The following MGA variants were observed in gnomAD, a reference collection of about 807,000 sequenced individuals.
The protein encoded by MGA is MAX dimerization protein MGA.
In MGA, 40 loss-of-function variants were observed where a neutral mutation model predicts 261.1. That is an observed-to-expected ratio of 0.15 (90% confidence interval 0.12 to 0.20). The LOEUF is 0.20. Among genes scored for constraint, MGA ranks in the 10% least tolerant of loss-of-function variants. The pLI, the probability that MGA is intolerant of heterozygous loss-of-function variation, is 1.00. For synonymous variants in MGA, 1,302 were observed against 1,290.6 expected, an observed-to-expected ratio of 1.01 and a Z score of -0.19; for missense variants, 3,397 against 3,630.5, an observed-to-expected ratio of 0.94 and a Z score of 1.65.
At chr15:41,681,148 G>A (rs1267664320) in intron 2 of MGA, among the ~76,000 whole-genome samples, 1 of 152,102 alleles carries the variant, frequency 6.6e-6, no homozygotes, top group Non-Finnish European at 1.5e-5. Context: ...AATGTAAAAA[G>A]ATTAAATAAA....
At chr15:41,643,820 A>G (rs1471382957) in intron 1 of MGA, among the ~76,000 whole-genome samples, 1 of 147,204 alleles carries the variant, frequency 6.8e-6, no homozygotes, top group Non-Finnish European at 1.5e-5. Flanking sequence ...CGCCCGCCTC[A>G]GCCTCCCAAA....
At chr15:41,759,949 C>T (rs1202728247) in intron 19 of MGA, among the ~76,000 whole-genome samples, 1 of 151,856 alleles carries the variant, frequency 6.6e-6, no homozygotes. Flanking sequence ...GAGGATCTTA[C>T]AGTATTTTTT....
intron 1 of MGA, among the ~76,000 whole-genome samples, chr15:41,627,489 A>G (rs1032729080): frequency 3.3e-5 from 5 of 152,220 alleles, no homozygotes; most frequent in African/African-American, 1.2e-4. Context: ...CTGGGGTTAG[A>G]GTACTTAGTA....
rs748646249 is a variant in MGA at position 41,736,223 on chromosome 15, C to G, written c.3959C>G (p.Ser1320Cys). Residue 1320 changes from serine to cysteine, a missense_variant, in exon 13 of 24, where the codon TCT becomes TGT. By Grantham distance (112) the Ser-to-Cys change is moderately radical. Around this residue, in one of 9 missense-constraint regions of MGA, gnomAD observed 1,410 missense variants for 1,386.4 expected, o/e 1.02. Transcript: ENST00000219905. ...TCCTGCAATGAAGGAGAATCCTCTT[C>G]TACTTCTTATATGCATCAGAGGTCA... is the stretch of plus-strand genomic sequence containing the variant. 6.2e-7 allele frequency: 1 copy of G among 1,608,150 alleles called. No homozygotes were observed. The highest frequency in any genetic ancestry group is 8.5e-7 in the Non-Finnish European group (1 of 1,177,046).
At position 41,669,907 on chromosome 15, in the gene MGA, C is replaced by T; in HGVS notation, c.1013C>T (p.Thr338Ile). Residue 338 changes from threonine (T) to isoleucine (I), a missense_variant, in exon 2 of 24, where the codon ACT becomes ATT. Thr to Ile is a moderately conservative substitution (Grantham distance 89). This residue lies in a region of MGA where 563 missense variants were observed against 563.6 expected (regional missense o/e 1.00). Transcript: ENST00000219905. Reference sequence around the variant, plus strand: ...CGAGACTTTCTTGGTTTCATGGATACTGATTCAGCACTTAGTGAAGTTCCT... The same window carrying T: ...CGAGACTTTCTTGGTTTCATGGATATTGATTCAGCACTTAGTGAAGTTCCT... 1 of 1,613,946 alleles carries T rather than the reference C, an allele frequency of 6.2e-7. No homozygotes were observed. The highest frequency in any genetic ancestry group is 1.1e-5 in the South Asian group (1 of 91,082).
intron 18 of MGA, among the ~76,000 whole-genome samples, chr15:41,756,014 C>G (rs2063130261): frequency 6.7e-6 from 1 of 149,082 alleles, no homozygotes; most frequent in African/African-American, 2.5e-5. Context: ...GAGACTCCAT[C>G]TCAAAAAAAA....
At chr15:41,639,049 A>G (rs953437889) in intron 1 of MGA, among the ~76,000 whole-genome samples, 1 of 151,992 alleles carries the variant, frequency 6.6e-6, no homozygotes, top group Admixed American at 6.6e-5. Context: ...CCCAGGCTGG[A>G]CTTGAACTCC....
At chr15:41,708,677 A>G (rs1425100045) in intron 7 of MGA, among the ~76,000 whole-genome samples, 2 of 151,902 alleles carry the variant, frequency 1.3e-5, no homozygotes, top group African/African-American at 4.8e-5. Flanking sequence ...TCTGCTACCC[A>G]TTTTCCTGTA....
At chr15:41,624,072 A>AT (rs946340051) in intron 1 of MGA, among the ~76,000 whole-genome samples, 2,006 of 132,600 alleles carry the variant, frequency 0.015, 18 homozygotes, top group Middle Eastern at 0.06. Flanking sequence ...AGCAAATTAA[A>AT]TTTTTTTTTT....
intron 15 of MGA, among the ~76,000 whole-genome samples, chr15:41,745,453 T>TTTTTTAAAGAAGAAAGC (rs1229350190): frequency 1.3e-5 from 2 of 151,612 alleles, no homozygotes; most frequent in African/African-American, 2.4e-5. Flanking sequence ...TGCTGTCTTT[T>TTTTTTAAAGAAGAAAGC]TTTTTAAAGA....
At chr15:41,715,254 A>G (rs2060574215) in intron 9 of MGA, among the ~76,000 whole-genome samples, 1 of 151,196 alleles carries the variant, frequency 6.6e-6, no homozygotes, top group Non-Finnish European at 1.5e-5. Flanking sequence ...GGTTCAAGCA[A>G]TTCTTCTGCC....
chr15:41,767,541 A>C lies in MGA; in HGVS notation c.*261A>C. 1 of 463,508 alleles carries C rather than the reference A, an allele frequency of 2.2e-6. No homozygotes were observed. Among genetic ancestry groups the C allele is most frequent in the Non-Finnish European group, 3.8e-6 (1 of 260,012 alleles). 28.7% of individuals were successfully genotyped at this position (463,508 alleles called of 1,614,324 possible). ...CTAAGAAGATGTGATCCATTACTGA[A>C]CATGAGGTGCCCCTCTTACCCAAGG... On this transcript the variant is annotated 3_prime_UTR_variant, in exon 24 of 24. Coordinates refer to ENST00000219905, the MANE Select transcript of MGA (RefSeq NM_001164273.2).
chr15:41,661,478 C>T (rs1253444770), intron 1 of MGA, among the ~76,000 whole-genome samples: 4 of 152,064 alleles, frequency 2.6e-5, no homozygotes, highest in Non-Finnish European at 5.9e-5. Context: ...TTTGCCTTGC[C>T]TTTCGAACCC....
At chr15:41,715,888 GCTTAAGACAAGCATTTCC>G (rs918999739) in intron 9 of MGA, among the ~76,000 whole-genome samples, 2 of 152,000 alleles carry the variant, frequency 1.3e-5, no homozygotes, top group African/African-American at 4.8e-5. Context: ...CCCTTCTTAT[GCTTAAGACAAGCATTTCC>G]ATTTCAAAGC....
In MGA at chr15:41,749,883, A is replaced by C; in HGVS notation, c.6276A>C (p.Lys2092Asn). The change falls in exon 17 of 24, where the codon AAA (lysine) becomes AAC (asparagine). Residue 2092 changes from lysine to asparagine, a missense_variant. This residue lies in a region of MGA where 1,410 missense variants were observed against 1,386.4 expected (regional missense o/e 1.02). Coordinates refer to ENST00000219905, the MANE Select transcript of MGA (RefSeq NM_001164273.2). Reference sequence around the variant, plus strand: ...TGGAAGTTAGGACCATTTCTGAAAAAGCCAGTAATAAGACAGTCCAAAATT... The same window carrying C: ...TGGAAGTTAGGACCATTTCTGAAAACGCCAGTAATAAGACAGTCCAAAATT... 6.2e-7 allele frequency: 1 copy of C among 1,613,984 alleles called. No individual in the cohort carries two copies.
intron 22 of MGA, 107 bp downstream of exon 22, chr15:41,762,469 T>G (rs1459707980): frequency 3.8e-5 from 24 of 626,382 alleles, no homozygotes; most frequent in East Asian, 1.1e-4. Flanking sequence ...TGGTTTTTTT[T>G]TTTTTTTTTT....
At chr15:41,744,488 G>A (rs1048968615) in intron 15 of MGA, among the ~76,000 whole-genome samples, 12 of 152,098 alleles carry the variant, frequency 7.9e-5, no homozygotes, top group Non-Finnish European at 1.3e-4. Context: ...GAGCCACCAC[G>A]TCCGGCTTGT....
chr15:41,762,892 C>T (rs1334344237), intron 22 of MGA, among the ~76,000 whole-genome samples: 1 of 152,066 alleles, frequency 6.6e-6, no homozygotes, highest in Non-Finnish European at 1.5e-5. Flanking sequence ...AGTTACCAGT[C>T]CTGGTAGCAT....
At chr15:41,625,899 G>A (rs1057386767) in intron 1 of MGA, among the ~76,000 whole-genome samples, 13 of 152,120 alleles carry the variant, frequency 8.5e-5, no homozygotes, top group Admixed American at 8.5e-4. Context: ...TCCCTTTATA[G>A]TACTTCTCCC....
Sources: gnomAD v4.1 joint callset for allele counts (sites outside exome capture counted in the v4.1 genomes callset) on GRCh38, gnomAD v4.1.1 for gene constraint, gnomAD v4.1.1 regional missense constraint, MANE v1.5 for transcripts, NCBI Gene and HGNC (gene_info 2026-07-23, HGNC 2026-07-21) for gene names.